Variants in ULBP1 observed in about 807,000 individuals in gnomAD.
ULBP1 encodes the protein UL16 binding protein 1.
Under a neutral mutation model 25.3 loss-of-function variants are expected in ULBP1, and 28 were observed. The ratio of observed to expected loss-of-function variants is 1.10; its 90% CI spans 0.82 to 1.51. The LOEUF is 1.51. Among genes scored for constraint, ULBP1 ranks in the 40% most tolerant of loss-of-function variants. The pLI is 0.00. For synonymous variants in ULBP1, 129 were observed against 103.0 expected, an observed-to-expected ratio of 1.25 and a Z score of -1.53; for missense variants, 348 against 290.9, an observed-to-expected ratio of 1.20 and a Z score of -1.43.
At chr6:149,966,613 G>A (rs1161004053) in intron 1 of ULBP1, among the ~76,000 whole-genome samples, 2 of 152,120 alleles carry the variant, frequency 1.3e-5, no homozygotes, top group African/African-American at 4.8e-5. Flanking sequence ...GTTCCCTGTG[G>A]CCCTGCTCCT....
intron 4 of ULBP1, among the ~76,000 whole-genome samples, chr6:149,970,739 C>A (rs1244971925): frequency 6.6e-6 from 1 of 152,236 alleles, no homozygotes; most frequent in Non-Finnish European, 1.5e-5. Flanking sequence ...CCCCTTGGAC[C>A]CATGGGAGTC....
At chr6:149,969,007 G>T (rs1779257107) in intron 2 of ULBP1, 78 bp from the exon 3 acceptor site, 7 of 1,572,562 alleles carry the variant, frequency 4.5e-6, no homozygotes, top group Non-Finnish European at 6.0e-6. Context: ...GAGAGAGCAA[G>T]TCCAGGAGCC....
In ULBP1 at chr6:149,971,881, A is replaced by G. The variant is rs1202407836; in HGVS notation, c.*535A>G. 6.6e-6 allele frequency: 1 copy of G among 152,178 alleles called. No individual in the cohort carries two copies. The highest frequency in any genetic ancestry group is 2.4e-5 in the African/African-American group (1 of 41,432). The allele number at this position is 152,178 out of a possible 1,614,324, so 9.4% of individuals were successfully genotyped here. ...GTCAACCATATTGAAGTGAAGTGGCATAGTCTTCACTCACTGTAATCTCCA... is the reference window on the plus strand; with the variant it reads ...GTCAACCATATTGAAGTGAAGTGGCGTAGTCTTCACTCACTGTAATCTCCA... On this transcript the variant is annotated 3_prime_UTR_variant, in exon 5 of 5. Transcript: ENST00000229708.
intron 4 of ULBP1, among the ~76,000 whole-genome samples, chr6:149,971,103 C>T (rs62441831): frequency 0.099 from 15,119 of 152,200 alleles, 803 homozygotes; most frequent in Middle Eastern, 0.13. Flanking sequence ...GAGGAGCAGG[C>T]CCTCAGTGAG....
Position 149,968,552 on chromosome 6 carries a change from G to A in ULBP1, c.86-55G>A, listed in dbSNP as rs375247437. The stretch of plus-strand genomic sequence containing the variant: ...GCAGTCACCATAAGTGGGAGGAGGG[G>A]ATACAGGTTCCATTTCCCCCCACAC... On this transcript the variant is annotated intron_variant, in intron 1 of 4. Coordinates refer to ENST00000229708, the MANE Select transcript of ULBP1 (RefSeq NM_025218.4). 532 of 1,563,902 alleles carry A rather than the reference G, an allele frequency of 3.4e-4. 6 individuals carry two copies. The East Asian group carries it at 0.011, about 32-fold the overall frequency.
intron 4 of ULBP1, among the ~76,000 whole-genome samples, chr6:149,971,045 C>G (rs1262531457): frequency 6.6e-6 from 1 of 152,214 alleles, no homozygotes; most frequent in Admixed American, 6.5e-5. Flanking sequence ...AGAAAGAGCT[C>G]TCTTTGGACA....
intron 1 of ULBP1, among the ~76,000 whole-genome samples, chr6:149,965,763 C>G (rs1308559912): frequency 6.6e-6 from 1 of 152,058 alleles, no homozygotes; most frequent in East Asian, 1.9e-4. Context: ...CACTTGCTAC[C>G]CTTCCCCTCA....
intron 1 of ULBP1, among the ~76,000 whole-genome samples, 165 bp downstream of exon 1, chr6:149,964,299 TCCCCGAACATCGCGGTGC>T (rs1304332575): frequency 2.0e-5 from 3 of 151,364 alleles, no homozygotes; most frequent in Non-Finnish European, 4.4e-5. Flanking sequence ...CGTCGCGGTC[TCCCCGAACATCGCGGTGC>T]CCCCGAACAT....
chr6:149,970,431 G>C (rs2114715226), intron 4 of ULBP1, among the ~76,000 whole-genome samples: 1 of 152,348 alleles, frequency 6.6e-6, no homozygotes, highest in South Asian at 2.1e-4. Context: ...TTTCAGAGCA[G>C]GTTCCTATTC....
At chr6:149,964,270 A>T (rs1779155685) in intron 1 of ULBP1, 136 bp downstream of exon 1, 19 of 972,422 alleles carry the variant, frequency 2.0e-5, no homozygotes, top group Middle Eastern at 6.6e-4. Context: ...GTCTCCCCGA[A>T]CGTCGCGGTC....
intron 1 of ULBP1, among the ~76,000 whole-genome samples, chr6:149,966,000 G>A (rs1433656967): frequency 6.6e-6 from 1 of 152,036 alleles, no homozygotes; most frequent in African/African-American, 2.4e-5. Context: ...TTTCCCTCAC[G>A]ATGACCCTGG....
intron 1 of ULBP1, among the ~76,000 whole-genome samples, chr6:149,964,918 G>A (rs1157928226): frequency 7.9e-6 from 1 of 127,106 alleles, no homozygotes. Flanking sequence ...CCCGTACATT[G>A]CGATCCCCCG....
In ULBP1 at chr6:149,972,332, T is replaced by G. The variant is rs1297903115; in HGVS notation, c.*986T>G. On this transcript the variant is annotated 3_prime_UTR_variant, in exon 5 of 5. Transcript: ENST00000229708. ...CAGAAGAATGAAACTGAACCCCTAC[T>G]TCTCCCCATATATGTAAAATAATTC... is the stretch of plus-strand genomic sequence containing the variant. 1 of 152,168 alleles carries G rather than the reference T, an allele frequency of 6.6e-6. No homozygotes were observed. The highest frequency in any genetic ancestry group is 1.5e-5 in the Non-Finnish European group (1 of 68,032). 9.4% of individuals were successfully genotyped at this position (152,168 alleles called of 1,614,324 possible). A position where few individuals can be genotyped will look rare whatever the true frequency, so the allele number is the denominator to read the frequency against.
intron 1 of ULBP1, among the ~76,000 whole-genome samples, chr6:149,967,392 G>A (rs1370362796): frequency 1.3e-5 from 2 of 152,214 alleles, no homozygotes; most frequent in Non-Finnish European, 2.9e-5. Context: ...TGCAGTTGCT[G>A]TGGGGTTGAA....
At chr6:149,967,373 G>A (rs1282524322) in intron 1 of ULBP1, among the ~76,000 whole-genome samples, 1 of 152,232 alleles carries the variant, frequency 6.6e-6, no homozygotes, top group Non-Finnish European at 1.5e-5. Context: ...GGGAGGCTGA[G>A]GGAGTCATTG....
intron 1 of ULBP1, among the ~76,000 whole-genome samples, chr6:149,967,521 C>G (rs1400892538): frequency 1.3e-5 from 2 of 152,140 alleles, no homozygotes; most frequent in Non-Finnish European, 2.9e-5. Flanking sequence ...CTCCTTTCAG[C>G]CTTCAGGTCA....
rs1451698100 is a variant in ULBP1, at chr6:149,972,240, GA to G, written c.*897del. The stretch of plus-strand genomic sequence containing the variant: ...ACCTACCGCCATCTAATCTTCAATA[GA>G]AATGGGCAATGTGGGAAAGACTCCC... On this transcript the variant is annotated 3_prime_UTR_variant, in exon 5 of 5. Coordinates refer to ENST00000229708, the MANE Select transcript of ULBP1 (RefSeq NM_025218.4). 1 of 152,112 alleles carries G rather than the reference GA, an allele frequency of 6.6e-6. No individual in the cohort carries two copies. The highest frequency in any genetic ancestry group is 1.5e-5 in the Non-Finnish European group (1 of 68,034). The allele number at this position is 152,112 out of a possible 1,614,324, so 9.4% of individuals were successfully genotyped here. A position where few individuals can be genotyped will look rare whatever the true frequency, so the allele number is the denominator to read the frequency against.
chr6:149,970,500 G>C (rs1300880782), intron 4 of ULBP1, among the ~76,000 whole-genome samples: 1 of 152,220 alleles, frequency 6.6e-6, no homozygotes, highest in East Asian at 1.9e-4. Flanking sequence ...TGCACAGTAG[G>C]AGAGGAGTAG....
chr6:149,963,948 C>T lies in ULBP1; in HGVS notation c.-102C>T. 1.7e-6 allele frequency: 2 copies of T among 1,171,426 alleles called. No individual in the cohort carries two copies. The highest frequency in any genetic ancestry group is 2.5e-6 in the Non-Finnish European group (2 of 812,966). The allele number at this position is 1,171,426 out of a possible 1,614,324, so 72.6% of individuals were successfully genotyped here. Reference sequence around the variant, plus strand: ...TGCCTAGGATCCCGCCCAGTGTATCCCTGCGCGCGGCGGGCCGGGCTGGGC... The same window carrying T: ...TGCCTAGGATCCCGCCCAGTGTATCTCTGCGCGCGGCGGGCCGGGCTGGGC... On this transcript the variant is annotated 5_prime_UTR_variant, in exon 1 of 5. Coordinates refer to ENST00000229708, the MANE Select transcript of ULBP1 (RefSeq NM_025218.4).
Sources: allele counts gnomAD v4.1 joint callset (sites outside exome capture counted in the v4.1 genomes callset), GRCh38; gene constraint gnomAD v4.1.1; transcripts MANE v1.5; gene names NCBI Gene and HGNC (gene_info 2026-07-23, HGNC 2026-07-21).